The following ATXN2 variants were observed in gnomAD, a reference collection of about 807,000 sequenced individuals.
The protein encoded by ATXN2 is ataxin-2.
A neutral mutation model predicts 138.6 loss-of-function variants in ATXN2; 37 were observed. The observed-to-expected ratio is 0.27, with a 90% CI of 0.21 to 0.35. ATXN2 has a LOEUF of 0.35. ATXN2 is among the 10% of genes least tolerant of loss of function. ATXN2 has a pLI of 1.00. For synonymous variants in ATXN2, 549 were observed against 543.7 expected (o/e 1.01, Z -0.13); for missense variants, 1,216 against 1,480.3 (o/e 0.82, Z 2.93).
At chr12:111,590,208 T>C (rs1447056060) in intron 1 of ATXN2, among the ~76,000 whole-genome samples, 8 of 151,914 alleles carry the variant, frequency 5.3e-5, no homozygotes, top group Admixed American at 4.6e-4. Context: ...AGTGAGACTC[T>C]GTCTCAAAAT....
intron 1 of ATXN2, among the ~76,000 whole-genome samples, chr12:111,556,582 C>T (rs554886441): frequency 7.9e-5 from 12 of 151,966 alleles, no homozygotes; most frequent in Non-Finnish European, 1.6e-4. Context: ...CTTTGGGAGG[C>T]AGAGGTGGGC....
chr12:111,563,987 G>A (rs367703028), intron 1 of ATXN2, among the ~76,000 whole-genome samples: 2 of 152,108 alleles, frequency 1.3e-5, no homozygotes, highest in African/African-American at 2.4e-5. Flanking sequence ...ATGCTTCTGT[G>A]AAAATCAGAA....
rs989908561 is a variant in ATXN2, at chr12:111,513,070, C to T, written c.1558+287G>A. 18 of 354,764 alleles carry T rather than the reference C, an allele frequency of 5.1e-5. No homozygotes were observed. In the East Asian group the frequency reaches 1.2e-3, roughly 23 times the overall value. The allele number at this position is 354,764 out of a possible 1,614,324, so 22.0% of individuals were successfully genotyped here. ...TTTACAATATATCTGTATTTATGAA[C>T]CTTATAGGAATCTCATCACAATCCC... On this transcript the variant is annotated intron_variant, in intron 11 of 24. Transcript: ENST00000673436.
In ATXN2 at chr12:111,470,279, TGCAAATAGAGCCAA is replaced by T. The variant is rs1876319601; in HGVS notation, c.2710-53_2710-40del. On this transcript the variant is annotated intron_variant, in intron 19 of 24. Transcript: ENST00000673436. ...AAAAATAAAGAAAGCACATTAACAC[TGCAAATAGAGCCAA>T]GCAGACTTTAGTTAAGATTTTTAAC... 3.8e-6 allele frequency: 6 copies of T among 1,599,354 alleles called. No homozygotes were observed. The South Asian group carries it at 6.7e-5, about 18-fold the overall frequency.
intron 18 of ATXN2, chr12:111,470,986 G>A (rs1039374671): frequency 2.0e-6 from 1 of 489,918 alleles, no homozygotes; most frequent in Non-Finnish European, 3.7e-6. Context: ...GTGTCAGCTT[G>A]AAAGCAACTT....
At chr12:111,527,427 G>A (rs1880561932) in intron 5 of ATXN2, among the ~76,000 whole-genome samples, 1 of 152,174 alleles carries the variant, frequency 6.6e-6, no homozygotes, top group Admixed American at 6.5e-5. Flanking sequence ...AACTGTCATT[G>A]TCTCCCTAAT....
chr12:111,537,197 G>GT (rs972786838), intron 5 of ATXN2, among the ~76,000 whole-genome samples: 1 of 152,102 alleles, frequency 6.6e-6, no homozygotes, highest in African/African-American at 2.4e-5. Flanking sequence ...GTGTACCTGT[G>GT]TAACTGTATA....
chr12:111,572,624 T>C (rs566694408), intron 1 of ATXN2, among the ~76,000 whole-genome samples: 1 of 152,262 alleles, frequency 6.6e-6, no homozygotes, highest in African/African-American at 2.4e-5. Flanking sequence ...AAGAATAAAA[T>C]GTACAACCTC....
Position 111,452,860 on chromosome 12 carries a change from C to T in ATXN2, c.3440-20G>A. ...CTTGTACTGTAAAAAGAAAAGCGAA[C>T]ATTGAAACAGAAAACTGGCAACACC... is the stretch of plus-strand genomic sequence containing the variant. On this transcript the variant is annotated intron_variant, in intron 24 of 24. Coordinates refer to ENST00000673436, the MANE Select transcript of ATXN2 (RefSeq NM_001372574.1). The T allele has an allele frequency of 1.2e-6, 2 of 1,605,756 alleles. No homozygotes were observed. The highest frequency in any genetic ancestry group is 1.1e-5 in the South Asian group (1 of 89,208).
intron 1 of ATXN2, among the ~76,000 whole-genome samples, chr12:111,590,715 C>T (rs181385444): frequency 3.4e-5 from 5 of 147,740 alleles, no homozygotes; most frequent in Admixed American, 2.0e-4. Context: ...CTGTTAGGAA[C>T]CAGACTGCAC....
intron 1 of ATXN2, among the ~76,000 whole-genome samples, chr12:111,558,594 T>C (rs1402773483): frequency 6.6e-6 from 1 of 152,108 alleles, no homozygotes; most frequent in African/African-American, 2.4e-5. Context: ...GTGCCGGAGT[T>C]TGAGATCAGT....
rs538126057 is a variant in ATXN2 at position 111,532,980 on chromosome 12, G to C, written c.572-7664C>G. 5.9e-5 allele frequency among the ~76,000 whole-genome samples: 9 copies of C among 152,282 alleles called. No individual in the cohort carries two copies. In the South Asian group the frequency reaches 1.9e-3, roughly 32 times the overall value. On this transcript the variant is annotated intron_variant, in intron 5 of 24. Coordinates refer to ENST00000673436, the MANE Select transcript of ATXN2 (RefSeq NM_001372574.1). ...AGCCACACCCAGCAGGCTGGATTAG[G>C]AGTAGACAGAGTTTAAGATCTTAGA...
In ATXN2 at chr12:111,470,093, CA is replaced by C. The variant is rs1404726739; in HGVS notation, c.2842+14del. ...AGTCACACACACTGGAAGAGACAAACAAAGTGCTTCCTACCATACATCGCAT... is the reference window on the plus strand; with the variant it reads ...AGTCACACACACTGGAAGAGACAAACAAGTGCTTCCTACCATACATCGCAT... On this transcript the variant is annotated intron_variant, in intron 20 of 24. Transcript: ENST00000673436. 3.1e-6 allele frequency: 5 copies of C among 1,611,366 alleles called. No individual in the cohort carries two copies. The Admixed American group carries it at 5.0e-5, about 16-fold the overall frequency.
rs758682249 is a variant in ATXN2, at chr12:111,513,382, TCCC to T, written c.1530_1532del (p.Gly511del). 174 of 1,613,416 alleles carry T rather than the reference TCCC, an allele frequency of 1.1e-4. No individual in the cohort carries two copies. The highest frequency in any genetic ancestry group is 1.4e-4 in the Non-Finnish European group (167 of 1,179,918). ...CCCCACTGACCACTGATGACCACGT[TCCC>T]CCCGAGGGACTGGTCCTTGCTACTG... On this transcript the variant is annotated inframe_deletion, in exon 11 of 25. Coordinates refer to ENST00000673436, the MANE Select transcript of ATXN2 (RefSeq NM_001372574.1).
intron 5 of ATXN2, among the ~76,000 whole-genome samples, chr12:111,538,117 C>T (rs539959821): frequency 1.3e-5 from 2 of 151,416 alleles, no homozygotes; most frequent in Admixed American, 1.3e-4. Flanking sequence ...AAAAAAAAAA[C>T]CTAATTTTCT....
chr12:111,499,611 G>A (rs1878625554), intron 14 of ATXN2, among the ~76,000 whole-genome samples: 1 of 151,544 alleles, frequency 6.6e-6, no homozygotes, highest in African/African-American at 2.4e-5. Context: ...GAGGTGTAGG[G>A]CGCAGTGAGC....
At chr12:111,504,972 T>G (rs530088304) in intron 14 of ATXN2, among the ~76,000 whole-genome samples, 5 of 152,240 alleles carry the variant, frequency 3.3e-5, no homozygotes, top group African/African-American at 7.2e-5. Flanking sequence ...TGAAAGCAAT[T>G]TTTCACTTTG....
intron 19 of ATXN2, 126 bp downstream of exon 19, chr12:111,470,432 C>T (rs1234856454): frequency 1.7e-6 from 2 of 1,202,410 alleles, no homozygotes; most frequent in East Asian, 2.4e-5. Context: ...GAAAAGGGTC[C>T]CCAAGTCCTT....
At chr12:111,574,980 T>C (rs1883550367) in intron 1 of ATXN2, among the ~76,000 whole-genome samples, 1 of 152,156 alleles carries the variant, frequency 6.6e-6, no homozygotes, top group African/African-American at 2.4e-5. Context: ...GAGGACAGGA[T>C]AACAGATTAT....
Sources: gnomAD v4.1 joint callset for allele counts (sites outside exome capture counted in the v4.1 genomes callset) on GRCh38, gnomAD v4.1.1 for gene constraint, MANE v1.5 for transcripts, NCBI Gene and HGNC (gene_info 2026-07-23, HGNC 2026-07-21) for gene names.